Variants in IAPP observed in about 807,000 individuals in gnomAD.
IAPP encodes the protein Islet amyloid polypeptide (diabetes-associated peptide; amylin).
In IAPP, 4 loss-of-function variants were observed where a neutral mutation model predicts 2.9. The ratio of observed to expected loss-of-function variants is 1.39; its 90% CI spans 0.69 to 3.19. The LOEUF (loss-of-function observed/expected upper bound fraction) is 3.19, where lower values mean the gene tolerates loss of function less well. Among genes scored for constraint, IAPP ranks in the 30% most tolerant of loss-of-function variants. IAPP has a pLI of 0.01. For missense variants in IAPP, 114 were observed against 105.3 expected (o/e 1.08, Z -0.36); for synonymous variants, 40 against 42.1 (o/e 0.95, Z 0.19).
chr12:21,377,902 A>G (rs979003525), intron 2 of IAPP, among the ~76,000 whole-genome samples: 12 of 152,164 alleles, frequency 7.9e-5, no homozygotes, highest in African/African-American at 2.9e-4. Flanking sequence ...TTCTTTTTAT[A>G]TATTAAAAAT....
upstream of IAPP, among the ~76,000 whole-genome samples, chr12:21,369,331 C>T (rs1939619065): frequency 6.6e-6 from 1 of 152,108 alleles, no homozygotes; most frequent in South Asian, 2.1e-4. Context: ...CCTCAGCAAC[C>T]ACCCTGGTCT....
intron 2 of IAPP, among the ~76,000 whole-genome samples, chr12:21,373,931 T>C (rs1462181056): frequency 1.3e-5 from 2 of 152,194 alleles, no homozygotes; most frequent in East Asian, 3.8e-4. Context: ...AGCAAATTAA[T>C]GTTTTTAAGA....
chr12:21,377,974 A>G (rs2137112610), intron 2 of IAPP, among the ~76,000 whole-genome samples: 1 of 152,304 alleles, frequency 6.6e-6, no homozygotes, highest in East Asian at 1.9e-4. Flanking sequence ...TATATGTAAT[A>G]TATTCTGAAT....
intron 1 of IAPP, among the ~76,000 whole-genome samples, chr12:21,364,508 C>T (rs1280127652): frequency 6.6e-6 from 1 of 152,174 alleles, no homozygotes; most frequent in Non-Finnish European, 1.5e-5. Flanking sequence ...TGCCCTCTCT[C>T]ACCACTCCTA....
At chr12:21,378,158 C>A (rs1345257091) in intron 2 of IAPP, 79 bp from the exon 3 acceptor site, 3 of 1,291,888 alleles carry the variant, frequency 2.3e-6, no homozygotes, top group East Asian at 4.6e-5. Context: ...TTCATCAATA[C>A]AAGATATTTG....
At chr12:21,361,597 G>T (rs1938890692) in intron 1 of IAPP, among the ~76,000 whole-genome samples, 1 of 152,176 alleles carries the variant, frequency 6.6e-6, no homozygotes, top group Non-Finnish European at 1.5e-5. Context: ...ACTTCTCCGA[G>T]CTAAAGGAGG....
chr12:21,362,116 A>G (rs1426219067), intron 1 of IAPP, among the ~76,000 whole-genome samples: 1 of 152,194 alleles, frequency 6.6e-6, no homozygotes, highest in African/African-American at 2.4e-5. Context: ...AGTTGAAATG[A>G]AGGAAAAAAT....
At chr12:21,364,819 C>A (rs1354739875) in intron 1 of IAPP, among the ~76,000 whole-genome samples, 1 of 152,062 alleles carries the variant, frequency 6.6e-6, no homozygotes, top group African/African-American at 2.4e-5. Context: ...GAATAAAATA[C>A]CTAGGAATCC....
intron 1 of IAPP, among the ~76,000 whole-genome samples, chr12:21,359,603 C>T (rs1337833979): frequency 6.6e-6 from 1 of 152,100 alleles, no homozygotes; most frequent in Non-Finnish European, 1.5e-5. Flanking sequence ...TCTAATTAGC[C>T]AGGCATGGTG....
rs181706104 is a variant in IAPP at position 21,361,594 on chromosome 12, C to T, written c.-16+6581C>T. On this transcript the variant is annotated intron_variant, in intron 1 of 2. Transcript: ENST00000539393. ...GAAGATTGGTAATAACAAACTTCTCCGAGCTAAAGGAGGATGTTTGAACCT... is the reference window on the plus strand; with the variant it reads ...GAAGATTGGTAATAACAAACTTCTCTGAGCTAAAGGAGGATGTTTGAACCT... 3.7e-4 allele frequency among the ~76,000 whole-genome samples: 57 copies of T among 152,170 alleles called. 1 individual carries two copies. The East Asian group carries it at 4.8e-3, about 13-fold the overall frequency.
At position 21,378,237 on chromosome 12, in the gene IAPP, T is replaced by A. The variant is rs780362061; in HGVS notation, c.81T>A (p.Ser27Arg). The A allele has an allele frequency of 6.2e-7, 1 of 1,613,898 alleles. No homozygotes were observed. The highest frequency in any genetic ancestry group is 1.3e-5 in the African/African-American group (1 of 74,930). Reference sequence around the variant, plus strand: ...TTTCACATTTGTTCCATGTTACCAGTCATCAGGTGGAAAAGCGGAAATGCA... The same window carrying A: ...TTTCACATTTGTTCCATGTTACCAGACATCAGGTGGAAAAGCGGAAATGCA... ...LNHLKATPIESHQVEKRKCNT... is the reference protein window; with the variant it reads ...LNHLKATPIERHQVEKRKCNT... The change falls in exon 3 of 3, where the codon AGT becomes AGA. Residue 27 changes from serine to arginine, a missense_variant and splice_region_variant. By Grantham distance (110) the Ser-to-Arg change is moderately radical. Transcript: ENST00000240652.
chr12:21,360,590 T>C (rs539149649), intron 1 of IAPP, among the ~76,000 whole-genome samples: 2 of 152,274 alleles, frequency 1.3e-5, no homozygotes, highest in African/African-American at 4.8e-5. Flanking sequence ...GGGCAGGGCA[T>C]TGCCTCACCC....
In IAPP at chr12:21,378,354, A is replaced by G. The variant is rs1940361568; in HGVS notation, c.198A>G (p.Gly66=). 15 of 1,614,192 alleles carry G rather than the reference A, an allele frequency of 9.3e-6. No individual in the cohort carries two copies. In the East Asian group the frequency reaches 3.3e-4, roughly 36 times the overall value. ...FGAILSSTNV[G]SNTYGKRNAV... ...CCATTCTCTCATCTACCAACGTGGG[A>G]TCCAATACATATGGCAAGAGGAATG... Residue 66 remains glycine, a synonymous_variant, in exon 3 of 3, where the codon GGA becomes GGG. Transcript: ENST00000240652.
intron 1 of IAPP, among the ~76,000 whole-genome samples, chr12:21,367,415 G>A (rs747986274): frequency 6.6e-6 from 1 of 152,070 alleles, no homozygotes; most frequent in Non-Finnish European, 1.5e-5. Context: ...ATCCTAGAAA[G>A]CAGTCAGTTT....
At chr12:21,371,654 T>C (rs2137086493), upstream of IAPP, among the ~76,000 whole-genome samples, 1 of 152,332 alleles carries the variant, frequency 6.6e-6, no homozygotes, top group Middle Eastern at 3.4e-3. Flanking sequence ...TTATTTGCTT[T>C]ACATGACACT....
At chr12:21,366,987 T>C (rs758814493) in intron 1 of IAPP, among the ~76,000 whole-genome samples, 27 of 152,044 alleles carry the variant, frequency 1.8e-4, no homozygotes, top group Non-Finnish European at 3.4e-4. Context: ...CAAATTTATA[T>C]ATTAAAAGAT....
chr12:21,364,941 G>T (rs987386955), intron 1 of IAPP, among the ~76,000 whole-genome samples: 5 of 152,176 alleles, frequency 3.3e-5, no homozygotes, highest in African/African-American at 1.2e-4. Context: ...TGGATAGGAA[G>T]AATCAATGTT....
upstream of IAPP, among the ~76,000 whole-genome samples, chr12:21,371,112 T>C (rs1393508855): frequency 2.6e-5 from 4 of 152,202 alleles, no homozygotes; most frequent in African/African-American, 9.7e-5. Flanking sequence ...AGGGATGGTT[T>C]ATGCGGAAAT....
At chr12:21,372,027 G>A (rs1291909066), upstream of IAPP, among the ~76,000 whole-genome samples, 1 of 151,456 alleles carries the variant, frequency 6.6e-6, no homozygotes, top group African/African-American at 2.4e-5. Context: ...AAAAAAGAAA[G>A]AGAGAAAGAA....
Sources: gnomAD v4.1 joint callset for allele counts (sites outside exome capture counted in the v4.1 genomes callset) on GRCh38, gnomAD v4.1.1 for gene constraint, MANE v1.5 for transcripts, NCBI Gene and HGNC (gene_info 2026-07-23, HGNC 2026-07-21) for gene names.